CHST15: variants seen among roughly 807,000 people sequenced by gnomAD.
CHST15 encodes the protein B cell RAG associated protein (GALNAC4S-6ST).
Under a neutral mutation model 53.6 loss-of-function variants are expected in CHST15, and 30 were observed. The observed-to-expected ratio is 0.56, with a 90% CI of 0.42 to 0.76. The LOEUF (loss-of-function observed/expected upper bound fraction) is 0.76, where lower values mean the gene tolerates loss of function less well. Among genes scored for constraint, CHST15 ranks in the 30% least tolerant of loss-of-function variants. CHST15 has a pLI of 0.00. For synonymous variants in CHST15, 296 were observed against 289.8 expected (o/e 1.02, Z -0.22); for missense variants, 627 against 740.5 (o/e 0.85, Z 1.78).
intron 1 of CHST15, among the ~76,000 whole-genome samples, chr10:124,079,697 G>A (rs1331532913): frequency 6.6e-6 from 1 of 152,248 alleles, no homozygotes; most frequent in African/African-American, 2.4e-5. Flanking sequence ...GAAACAGCTG[G>A]AGGCAGCACC....
At chr10:124,037,938 G>A (rs1947571164) in intron 5 of CHST15, among the ~76,000 whole-genome samples, 2 of 152,062 alleles carry the variant, frequency 1.3e-5, no homozygotes, top group Admixed American at 1.3e-4. Flanking sequence ...ACCGTCCTGT[G>A]CCCCTGGTCA....
At chr10:124,021,141 T>C (rs756289983) in intron 6 of CHST15, 115 bp downstream of exon 6, 65 of 1,534,610 alleles carry the variant, frequency 4.2e-5, no homozygotes, top group Admixed American at 2.2e-4. Context: ...ATTAAAACGC[T>C]TCTCTCTGTT....
rs1946376723 is a variant in CHST15, at chr10:124,010,305, G to C, written c.1530C>G (p.Thr510=). Residue 510 remains threonine (T), a synonymous_variant, in exon 8 of 8, where the codon ACC becomes ACG. Coordinates refer to ENST00000435907, the MANE Select transcript of CHST15 (RefSeq NM_001270764.2). ...GCCGTGCATTGGATGCGGGGCTCTT[G>C]GTCATCAAAGCCTCCTGCTTCTCAC... The part of the protein sequence containing the change: ...PLSEKQEALM[T]KSPASNARRP... 3 of 1,609,828 alleles carry C rather than the reference G, an allele frequency of 1.9e-6. No individual in the cohort carries two copies. The highest frequency in any genetic ancestry group is 1.7e-5 in the Admixed American group (1 of 59,622).
Position 124,010,173 on chromosome 10 carries a change from C to T in CHST15, c.1662G>A (p.Glu554=), listed in dbSNP as rs1298936924. ...CTCACGTCGTCTTCCACGCAAACGC[C>T]TCATCCGCGAGGACCTGCGCCAGCC... The part of the protein sequence containing the change: ...NARLAQVLAD[E]AFAWKTT The change falls in exon 8 of 8, where the codon GAG becomes GAA. Residue 554 remains glutamate, a synonymous_variant. Transcript: ENST00000435907. 1 of 1,613,348 alleles carries T rather than the reference C, an allele frequency of 6.2e-7. No individual in the cohort carries two copies. Among genetic ancestry groups the T allele is most frequent in the Non-Finnish European group, 8.5e-7 (1 of 1,180,046 alleles).
chr10:124,073,034 A>G (rs1047510015), intron 1 of CHST15, among the ~76,000 whole-genome samples: 1 of 152,146 alleles, frequency 6.6e-6, no homozygotes, highest in African/African-American at 2.4e-5. Flanking sequence ...AATGAGTACA[A>G]TTGTTTGGAA....
intron 1 of CHST15, among the ~76,000 whole-genome samples, chr10:124,083,428 G>C (rs557867226): frequency 8.5e-5 from 13 of 152,242 alleles, no homozygotes; most frequent in Middle Eastern, 6.8e-3. Context: ...TTTCTTCTCT[G>C]AGCCAAATTT....
chr10:124,088,337 G>A (rs1365680723), intron 1 of CHST15, among the ~76,000 whole-genome samples: 1 of 152,236 alleles, frequency 6.6e-6, no homozygotes, highest in African/African-American at 2.4e-5. Context: ...TGATCTGAGT[G>A]CTGTGCTCTG....
At position 124,009,448 on chromosome 10, in the gene CHST15, C is replaced by A; in HGVS notation, c.*701G>T. The A allele has an allele frequency of 1.0e-6, 1 of 988,462 alleles. No individual in the cohort carries two copies. The highest frequency in any genetic ancestry group is 1.2e-6 in the Non-Finnish European group (1 of 831,836). The allele number at this position is 988,462 out of a possible 1,614,324, so 61.2% of individuals were successfully genotyped here. A position where few individuals can be genotyped will look rare whatever the true frequency, so the allele number is the denominator to read the frequency against. On this transcript the variant is annotated 3_prime_UTR_variant, in exon 8 of 8. Transcript: ENST00000435907. The stretch of plus-strand genomic sequence containing the variant: ...GGAGGTCAGAAAGATGAAGGTGCTG[C>A]CAAAAACTGACTTATTTTTTTCCTT...
intron 1 of CHST15, among the ~76,000 whole-genome samples, chr10:124,059,336 C>T (rs1447651535): frequency 2.0e-5 from 3 of 152,200 alleles, no homozygotes; most frequent in Non-Finnish European, 2.9e-5. Context: ...AGGGGTCATT[C>T]TGGCTGTGGT....
At chr10:124,025,822 G>A (rs76740885) in intron 5 of CHST15, among the ~76,000 whole-genome samples, 5,931 of 152,228 alleles carry the variant, frequency 0.039, 307 homozygotes, top group East Asian at 0.26. Flanking sequence ...GGAGTGCGGC[G>A]TCTATGAGCC....
intron 1 of CHST15, among the ~76,000 whole-genome samples, chr10:124,050,199 C>T (rs1335664110): frequency 1.3e-5 from 2 of 152,170 alleles, no homozygotes; most frequent in Non-Finnish European, 2.9e-5. Flanking sequence ...CCCTAGAGCC[C>T]GGCGGCTTCC....
rs1188792017 is a variant in CHST15, at chr10:124,045,937, T to C, written c.276A>G (p.Val92=). The change falls in exon 2 of 8, where the codon GTA becomes GTG. Residue 92 remains valine (V), a synonymous_variant. Coordinates refer to ENST00000435907, the MANE Select transcript of CHST15 (RefSeq NM_001270764.2). ...CCCCAGAAAGGATGTAAGAAGCCAT[T>C]ACCAAGGTCATTATTATCAGTCCAA... ...LVFGLIIMTL[V]MASYILSGAH... 1 of 1,613,936 alleles carries C rather than the reference T, an allele frequency of 6.2e-7. No individual in the cohort carries two copies. Among genetic ancestry groups the C allele is most frequent in the Non-Finnish European group, 8.5e-7 (1 of 1,180,012 alleles).
intron 1 of CHST15, among the ~76,000 whole-genome samples, chr10:124,080,185 A>T (rs1250698325): frequency 6.6e-6 from 1 of 152,210 alleles, no homozygotes; most frequent in Non-Finnish European, 1.5e-5. Flanking sequence ...AGAGCTGCAA[A>T]TGTCAGTGCA....
intron 5 of CHST15, among the ~76,000 whole-genome samples, chr10:124,023,700 G>A (rs879516931): frequency 3.3e-5 from 5 of 152,046 alleles, no homozygotes; most frequent in Non-Finnish European, 7.4e-5. Flanking sequence ...GCTCCACAGG[G>A]TCACACTTCT....
chr10:124,074,551 C>T lies in CHST15; in HGVS notation c.-513+18918G>A, dbSNP rs1050358559. Among the ~76,000 whole-genome samples, 7 of 152,054 alleles carry T rather than the reference C, an allele frequency of 4.6e-5. No individual in the cohort carries two copies. Among genetic ancestry groups the T allele is most frequent in the Non-Finnish European group, 7.4e-5 (5 of 68,012 alleles). On this transcript the variant is annotated intron_variant, in intron 1 of 7. Transcript: ENST00000435907. The surrounding 1 kb of genome is among the most constrained non-coding windows in gnomAD (Gnocchi z 4.4). Reference sequence around the variant, plus strand: ...CTCACTGGGGACTTACATAACATCCCCCTGCACACCCAACACCTTCGCCAC... The same window carrying T: ...CTCACTGGGGACTTACATAACATCCTCCTGCACACCCAACACCTTCGCCAC...
Position 124,019,819 on chromosome 10 carries a change from C to T in CHST15, c.1347+1437G>A. On this transcript the variant is annotated intron_variant, in intron 6 of 7. Coordinates refer to ENST00000435907, the MANE Select transcript of CHST15 (RefSeq NM_001270764.2). This position sits in a 1 kb window ranked among gnomAD's most constrained non-coding sequence, Gnocchi z 4.6. Reference sequence around the variant, plus strand: ...TCTGAGGCTAGACCAGGTGGTGCGGCCCCATGTGCCACGCACCCAAGCCCC... The same window carrying T: ...TCTGAGGCTAGACCAGGTGGTGCGGTCCCATGTGCCACGCACCCAAGCCCC... 1 of 985,628 alleles carries T rather than the reference C, an allele frequency of 1.0e-6. No individual in the cohort carries two copies. The highest frequency in any genetic ancestry group is 4.7e-5 in the South Asian group (1 of 21,296). 61.1% of individuals were successfully genotyped at this position (985,628 alleles called of 1,614,324 possible).
intron 4 of CHST15, among the ~76,000 whole-genome samples, chr10:124,041,245 T>C (rs1947725821): frequency 6.6e-6 from 1 of 152,244 alleles, no homozygotes; most frequent in African/African-American, 2.4e-5. Flanking sequence ...TCTTAGTTGC[T>C]AATAGATTTA....
Position 124,042,648 on chromosome 10 carries a change from C to T in CHST15, c.887-201G>A, listed in dbSNP as rs113034455. Among the ~76,000 whole-genome samples the T allele has an allele frequency of 5.3e-3, 811 of 152,258 alleles. 3 individuals carry two copies. Among genetic ancestry groups the T allele is most frequent in the African/African-American group, 0.019 (770 of 41,538 alleles). The stretch of plus-strand genomic sequence containing the variant: ...ATGCGGCCTGGCTACCCACTTCAAT[C>T]CATGCATGCTTCAAGGGCTGGAAGA... On this transcript the variant is annotated intron_variant, in intron 3 of 7. Coordinates refer to ENST00000435907, the MANE Select transcript of CHST15 (RefSeq NM_001270764.2).
rs186828248 is a variant in CHST15, at chr10:124,084,737, G to A, written c.-513+8732C>T. On this transcript the variant is annotated intron_variant, in intron 1 of 7. Coordinates refer to ENST00000435907, the MANE Select transcript of CHST15 (RefSeq NM_001270764.2). ...CCACAGAAAGGGCACTAAAACTCCC[G>A]AACATCTTCCTAGAGCAACTGCAAC... 6.8e-3 allele frequency among the ~76,000 whole-genome samples: 1,038 copies of A among 152,224 alleles called. 3 individuals carry two copies. Among genetic ancestry groups the A allele is most frequent in the Non-Finnish European group, 0.011 (777 of 68,024 alleles).
Sources: allele counts gnomAD v4.1 joint callset (sites outside exome capture counted in the v4.1 genomes callset), GRCh38; gene constraint gnomAD v4.1.1; non-coding constraint Gnocchi (gnomAD v3.1); transcripts MANE v1.5; gene names NCBI Gene and HGNC (gene_info 2026-07-23, HGNC 2026-07-21).